The following ADAM2 variants were observed in gnomAD, a reference collection of about 807,000 sequenced individuals.
ADAM2 encodes disintegrin and metalloproteinase domain-containing protein 2.
ADAM2 carries 101 observed loss-of-function variants against 99.3 expected under a neutral mutation model. That is an observed-to-expected ratio of 1.02 (90% CI 0.87 to 1.20). The LOEUF (loss-of-function observed/expected upper bound fraction) is 1.20. Among genes scored for constraint, ADAM2 ranks in the 50% most tolerant of loss-of-function variants. The pLI is 0.00. For missense variants in ADAM2, 948 were observed against 878.7 expected, an observed-to-expected ratio of 1.08 and a Z score of -1.00; for synonymous variants, 323 against 287.6, an observed-to-expected ratio of 1.12 and a Z score of -1.25.
intron 7 of ADAM2, among the ~76,000 whole-genome samples, chr8:39,804,687 T>G (rs1242587100): frequency 6.6e-6 from 1 of 152,014 alleles, no homozygotes; most frequent in African/African-American, 2.4e-5. Context: ...TTATAAAAAA[T>G]TATGATATGA....
chr8:39,807,159 T>C (rs1378099855), intron 7 of ADAM2, among the ~76,000 whole-genome samples: 1 of 152,240 alleles, frequency 6.6e-6, no homozygotes, highest in African/African-American at 2.4e-5. Context: ...AGCATTATTC[T>C]TGAGGCTTAC....
chr8:39,749,342 G>A lies in ADAM2; in HGVS notation c.1984C>T (p.Pro662Ser), dbSNP rs774011461. The A allele has an allele frequency of 8.1e-6, 13 of 1,612,762 alleles. No individual in the cohort carries two copies. The highest frequency in any genetic ancestry group is 2.7e-5 in the African/African-American group (2 of 74,802). The change falls in exon 18 of 21, where the codon CCA becomes TCA. Residue 662 changes from proline (P) to serine (S), a missense_variant. By Grantham distance (74) the Pro-to-Ser change is moderately conservative (BLOSUM62 -1). Coordinates refer to ENST00000265708, the MANE Select transcript of ADAM2 (RefSeq NM_001464.5). ...PGGSIDSGNF[P>S]PVAIPARLPE... is the part of the protein sequence containing the mutation. ...AGTCTGGCTGGTATAGCTACAGGTGGAAAATTGCCACTGTCAATACTCCCA... is the reference window on the plus strand; with the variant it reads ...AGTCTGGCTGGTATAGCTACAGGTGAAAAATTGCCACTGTCAATACTCCCA...
chr8:39,817,025 G>T (rs1804972210), intron 6 of ADAM2, among the ~76,000 whole-genome samples: 1 of 151,746 alleles, frequency 6.6e-6, no homozygotes, highest in Admixed American at 6.6e-5. Flanking sequence ...GACTATATAA[G>T]AGCAAAATAT....
At chr8:39,823,908 T>C (rs545208854) in intron 4 of ADAM2, among the ~76,000 whole-genome samples, 4 of 152,224 alleles carry the variant, frequency 2.6e-5, no homozygotes, top group African/African-American at 9.6e-5. Context: ...TCAAAACACT[T>C]GATTGAGTCG....
At chr8:39,825,225 C>T (rs1236233106) in intron 3 of ADAM2, among the ~76,000 whole-genome samples, 1 of 152,158 alleles carries the variant, frequency 6.6e-6, no homozygotes, top group Non-Finnish European at 1.5e-5. Context: ...GCTTATACAT[C>T]AACTTCCCAC....
At chr8:39,763,372 C>A (rs1400447002) in intron 14 of ADAM2, among the ~76,000 whole-genome samples, 1 of 152,128 alleles carries the variant, frequency 6.6e-6, no homozygotes, top group African/African-American at 2.4e-5. Context: ...TTAGAACATC[C>A]TGCAGCAAGG....
intron 4 of ADAM2, among the ~76,000 whole-genome samples, chr8:39,823,513 T>G (rs1454462726): frequency 1.3e-5 from 2 of 152,112 alleles, no homozygotes; most frequent in East Asian, 3.8e-4. Flanking sequence ...TTGAATGCTT[T>G]GTAGCATTCT....
rs113101692 is a variant in ADAM2 at position 39,762,045 on chromosome 8, T to C, written c.1508-764A>G. On this transcript the variant is annotated intron_variant, in intron 14 of 20. Coordinates refer to ENST00000265708, the MANE Select transcript of ADAM2 (RefSeq NM_001464.5). ...CCTGCAGTGAGCCGAGATCGCGCCA[T>C]TGCACTCCAGCCTGGGCGACAGAGC... 9.9e-5 allele frequency among the ~76,000 whole-genome samples: 15 copies of C among 152,222 alleles called. 1 individual carries two copies. The highest frequency in any genetic ancestry group is 3.6e-4 in the African/African-American group (15 of 41,534).
chr8:39,804,841 T>G (rs762086783), intron 7 of ADAM2, among the ~76,000 whole-genome samples: 3 of 152,226 alleles, frequency 2.0e-5, no homozygotes, highest in Non-Finnish European at 4.4e-5. Context: ...GCTTTACATG[T>G]CTTGCTTAAA....
intron 11 of ADAM2, among the ~76,000 whole-genome samples, chr8:39,770,378 C>A (rs1281657248): frequency 6.6e-6 from 1 of 152,144 alleles, no homozygotes; most frequent in Non-Finnish European, 1.5e-5. Flanking sequence ...AACTCAAGTC[C>A]AGAGTCTAAT....
At chr8:39,747,098 A>G in intron 18 of ADAM2, among the ~76,000 whole-genome samples, 1 of 152,188 alleles carries the variant, frequency 6.6e-6, no homozygotes, top group South Asian at 2.1e-4. Context: ...TGGTGACCTA[A>G]AAAATCATAA....
intron 3 of ADAM2, among the ~76,000 whole-genome samples, chr8:39,832,304 G>A (rs939002730): frequency 1.3e-5 from 2 of 152,144 alleles, no homozygotes; most frequent in Non-Finnish European, 2.9e-5. Context: ...CACCCTGAGT[G>A]TCTATAAACT....
In ADAM2 at chr8:39,786,993, T is replaced by A. The variant is rs754800817; in HGVS notation, c.872A>T (p.Tyr291Phe). Residue 291 changes from tyrosine (Y) to phenylalanine (F), a missense_variant, in exon 10 of 21, where the codon TAT becomes TTT. Physicochemically the swap from Tyr to Phe is conservative, Grantham distance 22. Coordinates refer to ENST00000265708, the MANE Select transcript of ADAM2 (RefSeq NM_001464.5). ...TFQGKMCDAN[Y>F]AGGVVLHPRT... is the part of the protein sequence containing the mutation. ...CCATACCAGAACAACACCTCCTGCA[T>A]AGTTTGCATCACACATCTTCCCTTG... The A allele has an allele frequency of 1.3e-6, 2 of 1,592,412 alleles. No homozygotes were observed. The highest frequency in any genetic ancestry group is 2.3e-5 in the South Asian group (2 of 86,790).
chr8:39,813,665 C>G (rs1178669623), intron 6 of ADAM2, among the ~76,000 whole-genome samples: 1 of 152,016 alleles, frequency 6.6e-6, no homozygotes, highest in Non-Finnish European at 1.5e-5. Flanking sequence ...CAAACTATCA[C>G]AAGGACAGAA....
intron 4 of ADAM2, 93 bp downstream of exon 4, chr8:39,824,726 C>T: frequency 2.7e-6 from 2 of 732,178 alleles, no homozygotes; most frequent in Non-Finnish European, 2.4e-6. Flanking sequence ...AAGCCATGAC[C>T]CAACACTTTA....
chr8:39,790,267 A>C (rs1803650778), intron 7 of ADAM2, among the ~76,000 whole-genome samples: 1 of 151,984 alleles, frequency 6.6e-6, no homozygotes, highest in Non-Finnish European at 1.5e-5. Flanking sequence ...ATAATAGCTT[A>C]AAAGTGGAAA....
chr8:39,815,535 A>G (rs1244644793), intron 6 of ADAM2, among the ~76,000 whole-genome samples: 1 of 152,152 alleles, frequency 6.6e-6, no homozygotes, highest in East Asian at 1.9e-4. Flanking sequence ...ATTGCTCTAC[A>G]TTTTCAGATG....
At chr8:39,786,407 A>G (rs978236834) in intron 10 of ADAM2, among the ~76,000 whole-genome samples, 4 of 152,158 alleles carry the variant, frequency 2.6e-5, no homozygotes, top group Non-Finnish European at 4.4e-5. Context: ...GATATTATAC[A>G]AACACTCACA....
At chr8:39,793,649 G>A (rs760698700) in intron 7 of ADAM2, among the ~76,000 whole-genome samples, 3 of 152,106 alleles carry the variant, frequency 2.0e-5, no homozygotes, top group Non-Finnish European at 2.9e-5. Context: ...AAAATGATCA[G>A]GGCAAAAGAA....
Sources: allele counts gnomAD v4.1 joint callset (sites outside exome capture counted in the v4.1 genomes callset), GRCh38; gene constraint gnomAD v4.1.1; transcripts MANE v1.5; gene names NCBI Gene and HGNC (gene_info 2026-07-23, HGNC 2026-07-21).